Variants in CACNA2D4 observed in about 807,000 individuals in gnomAD.
CACNA2D4 encodes voltage-dependent calcium channel subunit alpha-2/delta-4.
CACNA2D4 carries 157 observed loss-of-function variants against 163.8 expected under a neutral mutation model. The observed-to-expected ratio is 0.96, with a 90% CI of 0.84 to 1.09. The LOEUF (loss-of-function observed/expected upper bound fraction) is 1.09, where lower values mean the gene tolerates loss of function less well. Ranked by LOEUF, CACNA2D4 falls within the 50% of genes least tolerant of loss-of-function variation. The pLI, the probability that CACNA2D4 is intolerant of heterozygous loss-of-function variation, is 0.00. For synonymous variants in CACNA2D4, 598 were observed against 586.9 expected, an observed-to-expected ratio of 1.02 and a Z score of -0.27; for missense variants, 1,410 against 1,479.9, an observed-to-expected ratio of 0.95 and a Z score of 0.78.
intron 13 of CACNA2D4, among the ~76,000 whole-genome samples, chr12:1,880,097 A>G (rs1865962902): frequency 1.3e-5 from 2 of 152,226 alleles, no homozygotes; most frequent in Non-Finnish European, 2.9e-5. Context: ...GGAGGGCAGG[A>G]CCAGGCTGAT....
chr12:1,917,221 T>G lies in CACNA2D4; in HGVS notation c.227+1026A>C, dbSNP rs1867008991. 6.6e-6 allele frequency among the ~76,000 whole-genome samples: 1 copy of G among 152,054 alleles called. No homozygotes were observed. The highest frequency in any genetic ancestry group is 1.5e-5 in the Non-Finnish European group (1 of 67,996). On this transcript the variant is annotated intron_variant, in intron 1 of 37. Coordinates refer to ENST00000382722, the MANE Select transcript of CACNA2D4 (RefSeq NM_172364.5). The surrounding 1 kb of genome is among the most constrained non-coding windows in gnomAD (Gnocchi z 4.3). ...TGTTTCCTCAGCTGCAAAATAGGGA[T>G]AAAAATAAGCCCCCACTGAATGGCT...
intron 6 of CACNA2D4, among the ~76,000 whole-genome samples, chr12:1,895,167 T>C (rs1005707416): frequency 2.0e-5 from 3 of 151,974 alleles, no homozygotes; most frequent in African/African-American, 7.2e-5. Context: ...TAGGAATAAA[T>C]TTAACCAAGA....
Position 1,913,156 on chromosome 12 carries a change from G to A in CACNA2D4, c.310-17C>T, listed in dbSNP as rs1866876601. ...CTTGTACTTCTGTTTGGGGAAAGTG[G>A]GAGAGATGCGTGCATGTGGTTTTGT... On this transcript the variant is annotated splice_polypyrimidine_tract_variant and intron_variant, in intron 2 of 37. Coordinates refer to ENST00000382722, the MANE Select transcript of CACNA2D4 (RefSeq NM_172364.5). The A allele has an allele frequency of 1.3e-6, 2 of 1,543,834 alleles. No homozygotes were observed. Among genetic ancestry groups the A allele is most frequent in the Non-Finnish European group, 1.8e-6 (2 of 1,116,276 alleles).
chr12:1,882,895 A>G lies in CACNA2D4; in HGVS notation c.1457T>C (p.Ile486Thr). The change falls in exon 13 of 38, where the codon ATC becomes ACC. Residue 486 changes from isoleucine (I) to threonine (T), a missense_variant. Ile to Thr is a moderately conservative substitution (Grantham distance 89, BLOSUM62 -1). Transcript: ENST00000382722. The stretch of plus-strand genomic sequence containing the variant: ...GCTGTCCATGTAGGCCTCTGTCCAG[A>G]TGATGTCGTGGTCGTGGTTGATGAC... ...PMVINHDHDI[I>T]WTEAYMDSKL... The G allele has an allele frequency of 1.2e-6, 2 of 1,613,716 alleles. No homozygotes were observed. The highest frequency in any genetic ancestry group is 1.7e-6 in the Non-Finnish European group (2 of 1,179,800).
rs1389235532 is a variant in CACNA2D4 at position 1,882,969 on chromosome 12, G to A, written c.1383C>T (p.Asp461=). The change falls in exon 13 of 38, where the codon GAC becomes GAT. Residue 461 remains aspartate, a synonymous_variant. Coordinates refer to ENST00000382722, the MANE Select transcript of CACNA2D4 (RefSeq NM_172364.5). The stretch of plus-strand genomic sequence containing the variant: ...GGTATTCCATCACGTTCTCCTGGGT[G>A]TCCGCCAGCGTTGAGATCTGCGTGT... The part of the protein sequence containing the change: ...GYYTQISTLA[D]TQENVMEYLH... 6.2e-7 allele frequency: 1 copy of A among 1,613,052 alleles called. No homozygotes were observed. The highest frequency in any genetic ancestry group is 1.7e-5 in the Admixed American group (1 of 59,904).
intron 6 of CACNA2D4, among the ~76,000 whole-genome samples, chr12:1,890,624 G>C (rs1012202345): frequency 2.0e-5 from 3 of 152,196 alleles, no homozygotes; most frequent in African/African-American, 7.2e-5. Context: ...TAGCAGGGCT[G>C]CCACACAGCC....
intron 26 of CACNA2D4, chr12:1,831,494 C>T (rs779387070): frequency 1.7e-5 from 27 of 1,613,690 alleles, no homozygotes; most frequent in Non-Finnish European, 2.2e-5. Flanking sequence ...TGCGTGAGTT[C>T]AAACACTGGA....
chr12:1,890,993 G>A (rs1445674544), intron 6 of CACNA2D4, among the ~76,000 whole-genome samples: 1 of 152,196 alleles, frequency 6.6e-6, no homozygotes, highest in African/African-American at 2.4e-5. Context: ...GGAGGCAGAG[G>A]GTTGCCCCAC....
rs547447035 is a variant in CACNA2D4, at chr12:1,917,275, C to T, written c.227+972G>A. Among the ~76,000 whole-genome samples, 14 of 152,310 alleles carry T rather than the reference C, an allele frequency of 9.2e-5. No homozygotes were observed. Among genetic ancestry groups the T allele is most frequent in the Admixed American group, 6.5e-4 (10 of 15,310 alleles). ...CAAACTAACGGTGTCATTTGTGAAG[C>T]GCCCAGCTCCGTGCCAGGCAGGGAA... On this transcript the variant is annotated intron_variant, in intron 1 of 37. Transcript: ENST00000382722. The surrounding 1 kb of genome is among the most constrained non-coding windows in gnomAD (Gnocchi z 4.3).
chr12:1,917,351 T>G lies in CACNA2D4; in HGVS notation c.227+896A>C, dbSNP rs1161588081. On this transcript the variant is annotated intron_variant, in intron 1 of 37. Transcript: ENST00000382722. The surrounding 1 kb of genome is among the most constrained non-coding windows in gnomAD (Gnocchi z 4.3). ...GAAACGATGCTGCCTAATCCACTGGTCAGCAAAGGCTAAGCACAGGCACGG... is the reference window on the plus strand; with the variant it reads ...GAAACGATGCTGCCTAATCCACTGGGCAGCAAAGGCTAAGCACAGGCACGG... Among the ~76,000 whole-genome samples the G allele has an allele frequency of 1.3e-5, 2 of 152,182 alleles. No homozygotes were observed. The highest frequency in any genetic ancestry group is 2.9e-5 in the Non-Finnish European group (2 of 68,028).
chr12:1,822,490 G>A (rs75322543), intron 26 of CACNA2D4, among the ~76,000 whole-genome samples: 2,350 of 146,788 alleles, frequency 0.016, 53 homozygotes, highest in African/African-American at 0.055. Flanking sequence ...CCCTGAGCCC[G>A]GCCCCAGGGC....
rs1279493486 is a variant in CACNA2D4, at chr12:1,792,212, CACTT to C, written c.*1439_*1442del. 1 of 128,476 alleles carries C rather than the reference CACTT, an allele frequency of 7.8e-6. No individual in the cohort carries two copies. Among genetic ancestry groups the C allele is most frequent in the Non-Finnish European group, 1.9e-5 (1 of 53,502 alleles). The allele number at this position is 128,476 out of a possible 1,614,324, so 8.0% of individuals were successfully genotyped here. A position where few individuals can be genotyped will look rare whatever the true frequency, so the allele number is the denominator to read the frequency against. ...CTTAGCTGTTCTAGCATTATTCTGC[CACTT>C]AAGCTGTCTTCGAGCTGCAGTGTCT... On this transcript the variant is annotated 3_prime_UTR_variant, in exon 38 of 38. Transcript: ENST00000382722.
intron 27 of CACNA2D4, among the ~76,000 whole-genome samples, chr12:1,811,260 G>A (rs899043805): frequency 2.0e-5 from 3 of 152,230 alleles, no homozygotes; most frequent in Non-Finnish European, 4.4e-5. Context: ...AAAGGAGCCA[G>A]TAGAACGGAC....
In CACNA2D4 at chr12:1,875,728, G is replaced by T. The variant is rs1226137637; in HGVS notation, c.1720-391C>A. 6.6e-6 allele frequency among the ~76,000 whole-genome samples: 1 copy of T among 152,190 alleles called. No homozygotes were observed. Among genetic ancestry groups the T allele is most frequent in the Non-Finnish European group, 1.5e-5 (1 of 68,032 alleles). On this transcript the variant is annotated intron_variant, in intron 16 of 37. Coordinates refer to ENST00000382722, the MANE Select transcript of CACNA2D4 (RefSeq NM_172364.5). This position sits in a 1 kb window ranked among gnomAD's most constrained non-coding sequence, Gnocchi z 4.0. ...GAGCTGCATAGAATGTGTTCCACCT[G>T]ACAGCCCCTGGGATTTCCAAAGATA...
At chr12:1,835,617 A>G (rs1392124494) in intron 26 of CACNA2D4, 1 of 152,648 alleles carries the variant, frequency 6.6e-6, no homozygotes, top group African/African-American at 2.4e-5. Context: ...GATCCTCTAA[A>G]GTGGGCCAAA....
chr12:1,873,037 A>G lies in CACNA2D4; in HGVS notation c.1878+1567T>C, dbSNP rs192369880. 2.6e-5 allele frequency among the ~76,000 whole-genome samples: 4 copies of G among 152,236 alleles called. No individual in the cohort carries two copies. The East Asian group carries it at 5.8e-4, about 22-fold the overall frequency. Reference sequence around the variant, plus strand: ...TTGATCATCTGGGTGACCCTGGGCAAGTTTTTAGCCTCTCTGAATATCCTC... The same window carrying G: ...TTGATCATCTGGGTGACCCTGGGCAGGTTTTTAGCCTCTCTGAATATCCTC... On this transcript the variant is annotated intron_variant, in intron 18 of 37. Transcript: ENST00000382722.
chr12:1,825,831 G>A (rs1314281177), intron 26 of CACNA2D4, among the ~76,000 whole-genome samples: 2 of 117,620 alleles, frequency 1.7e-5, no homozygotes, highest in Admixed American at 9.2e-5. Context: ...TCTGAAACCT[G>A]CAATCCAGTC....
chr12:1,851,669 G>C (rs1279967206), intron 23 of CACNA2D4, among the ~76,000 whole-genome samples: 3 of 80,966 alleles, frequency 3.7e-5, no homozygotes, highest in Non-Finnish European at 4.9e-5. Context: ...GTGTGTGTGT[G>C]TGTGTGTGCG....
intron 4 of CACNA2D4, among the ~76,000 whole-genome samples, chr12:1,909,238 C>G (rs527384678): frequency 6.6e-6 from 1 of 152,260 alleles, no homozygotes; most frequent in Non-Finnish European, 1.5e-5. Context: ...GTCGCCCAGG[C>G]TGGAGTGCAG....
Sources: gnomAD v4.1 joint callset for allele counts (sites outside exome capture counted in the v4.1 genomes callset) on GRCh38, gnomAD v4.1.1 for gene constraint, Gnocchi (gnomAD v3.1) non-coding constraint, MANE v1.5 for transcripts, NCBI Gene and HGNC (gene_info 2026-07-23, HGNC 2026-07-21) for gene names.